VPS26C: variants seen among roughly 807,000 people sequenced by gnomAD.
VPS26C encodes the protein vacuolar protein sorting-associated protein 26C.
Under a neutral mutation model 30.6 loss-of-function variants are expected in VPS26C, and 19 were observed. The ratio of observed to expected loss-of-function variants is 0.62; its 90% confidence interval spans 0.43 to 0.91. VPS26C has a LOEUF of 0.91. VPS26C is among the 40% of genes least tolerant of loss of function. The pLI, the probability that VPS26C is intolerant of heterozygous loss-of-function variation, is 0.00. For synonymous variants in VPS26C, 132 were observed against 151.5 expected (o/e 0.87, Z 0.95); for missense variants, 318 against 385.1 (o/e 0.83, Z 1.46).
Position 37,238,686 on chromosome 21 carries a change from GAC to G in VPS26C, c.202-79_202-78del. The G allele has an allele frequency of 1.9e-6, 3 of 1,551,948 alleles. No homozygotes were observed. In the Admixed American group the frequency reaches 5.3e-5, roughly 28 times the overall value. On this transcript the variant is annotated intron_variant, in intron 2 of 7. Transcript: ENST00000309117. ...TCCAATTACTAATAACGTTCTGAAG[GAC>G]ACAGCACCCCGACCCCCTGGAGGCC...
At chr21:37,252,285 G>C (rs1352288039) in intron 1 of VPS26C, among the ~76,000 whole-genome samples, 3 of 152,166 alleles carry the variant, frequency 2.0e-5, no homozygotes, top group Non-Finnish European at 4.4e-5. Flanking sequence ...TTAGAAAGCG[G>C]AAATCAGAAA....
chr21:37,239,432 G>A (rs541929529), intron 2 of VPS26C, among the ~76,000 whole-genome samples: 2 of 152,252 alleles, frequency 1.3e-5, no homozygotes, highest in South Asian at 4.1e-4. Context: ...TTTACATTCT[G>A]GAACACAAAA....
In VPS26C at chr21:37,236,804, T is replaced by TA. The variant is rs374061678; in HGVS notation, c.351+1655dup. On this transcript the variant is annotated intron_variant, in intron 3 of 7. Transcript: ENST00000309117. ...TACTCTGAGGTTAACCCTCAAATGGTAAAATCTGATGATGAAAAGACGAGG... is the reference window on the plus strand; with the variant it reads ...TACTCTGAGGTTAACCCTCAAATGGTAAAAATCTGATGATGAAAAGACGAGG... 7.7e-4 allele frequency among the ~76,000 whole-genome samples: 118 copies of TA among 152,280 alleles called. 1 individual carries two copies. Among genetic ancestry groups the TA allele is most frequent in the Non-Finnish European group, 1.4e-3 (93 of 68,020 alleles).
rs916232206 is a variant in VPS26C at position 37,257,594 on chromosome 21, T to C, written c.57+9644A>G. 1.3e-5 allele frequency among the ~76,000 whole-genome samples: 2 copies of C among 151,270 alleles called. No individual in the cohort carries two copies. Among genetic ancestry groups the C allele is most frequent in the African/African-American group, 4.9e-5 (2 of 41,072 alleles). ...AAAAAGGAACGCGTGAAATGGGGAG[T>C]GTTAGGGCGTCACAAACTCCAGTGT... On this transcript the variant is annotated intron_variant, in intron 1 of 7. Coordinates refer to ENST00000309117, the MANE Select transcript of VPS26C (RefSeq NM_006052.2). This position sits in a 1 kb window ranked among gnomAD's most constrained non-coding sequence, Gnocchi z 4.2.
At chr21:37,241,230 C>T (rs1186629183) in intron 1 of VPS26C, among the ~76,000 whole-genome samples, 2 of 152,196 alleles carry the variant, frequency 1.3e-5, no homozygotes, top group East Asian at 1.9e-4. Flanking sequence ...TCCAGAAGGA[C>T]TGCCCTGTCC....
At position 37,238,543 on chromosome 21, in the gene VPS26C, C is replaced by T; in HGVS notation, c.268G>A (p.Glu90Lys). ...TGCAGAGGAAATTCAAAAGGGATTT[C>T]TGTTTTGCCGCTGGGAAATTTCCCC... ...KPGKFPSGKT[E>K]IPFEFPLHLK... The change falls in exon 3 of 8, where the codon GAA (glutamate) becomes AAA (lysine). Residue 90 changes from glutamate (E) to lysine (K), a missense_variant. Transcript: ENST00000309117. 3.7e-6 allele frequency: 6 copies of T among 1,614,200 alleles called. No homozygotes were observed. Among genetic ancestry groups the T allele is most frequent in the Non-Finnish European group, 5.1e-6 (6 of 1,180,036 alleles).
chr21:37,245,104 G>A (rs1383121943), intron 1 of VPS26C, among the ~76,000 whole-genome samples: 2 of 152,234 alleles, frequency 1.3e-5, no homozygotes, highest in Non-Finnish European at 2.9e-5. Context: ...CTCCTGCAAG[G>A]AGAGGTTAAA....
At position 37,238,552 on chromosome 21, in the gene VPS26C, C is replaced by T. The variant is rs747618434; in HGVS notation, c.259G>A (p.Gly87Ser). 42 of 1,614,008 alleles carry T rather than the reference C, an allele frequency of 2.6e-5. No individual in the cohort carries two copies. The highest frequency in any genetic ancestry group is 4.5e-5 in the East Asian group (2 of 44,888). The change falls in exon 3 of 8, where the codon GGC becomes AGC. Residue 87 changes from glycine to serine, a missense_variant. Transcript: ENST00000309117. Reference sequence around the variant, plus strand: ...AATTCAAAAGGGATTTCTGTTTTGCCGCTGGGAAATTTCCCCGGCTTCACC... The same window carrying T: ...AATTCAAAAGGGATTTCTGTTTTGCTGCTGGGAAATTTCCCCGGCTTCACC... ...EMVKPGKFPS[G>S]KTEIPFEFPL...
chr21:37,265,766 G>C (rs969368724), intron 1 of VPS26C, among the ~76,000 whole-genome samples: 3 of 152,106 alleles, frequency 2.0e-5, no homozygotes, highest in Non-Finnish European at 4.4e-5. Flanking sequence ...ACATAGGTGA[G>C]TTGTGGCCTT....
chr21:37,253,430 A>G (rs1465550029), intron 1 of VPS26C, among the ~76,000 whole-genome samples: 5 of 152,238 alleles, frequency 3.3e-5, no homozygotes, highest in Non-Finnish European at 5.9e-5. Flanking sequence ...CGTCAATACT[A>G]AGTAAAATGG....
At chr21:37,228,420 A>C in intron 5 of VPS26C, 47 bp from the exon 6 acceptor site, 1 of 1,602,496 alleles carries the variant, frequency 6.2e-7, no homozygotes, top group Non-Finnish European at 8.5e-7. Flanking sequence ...GCAAGGGGGG[A>C]AAGTGCTCCA....
chr21:37,246,522 G>A (rs906827548), intron 1 of VPS26C, among the ~76,000 whole-genome samples: 1 of 152,108 alleles, frequency 6.6e-6, no homozygotes, highest in Admixed American at 6.5e-5. Context: ...CCAAGAGATG[G>A]CTAGAAAAAC....
intron 1 of VPS26C, among the ~76,000 whole-genome samples, chr21:37,252,339 T>C (rs1163269122): frequency 2.0e-5 from 3 of 152,212 alleles, no homozygotes; most frequent in Admixed American, 2.0e-4. Flanking sequence ...ATCTCCACTA[T>C]TTTATGTAAC....
Position 37,243,058 on chromosome 21 carries a change from C to T in VPS26C, c.58-2419G>A, listed in dbSNP as rs781377288. Among the ~76,000 whole-genome samples the T allele has an allele frequency of 5.9e-5, 9 of 152,070 alleles. No homozygotes were observed. The South Asian group carries it at 6.2e-4, about 10-fold the overall frequency. ...GGCCAAGGGATTTAGAAACAGGAGA[C>T]GGTTTAACAGAGAGGCAAGATCTGT... On this transcript the variant is annotated intron_variant, in intron 1 of 7. Coordinates refer to ENST00000309117, the MANE Select transcript of VPS26C (RefSeq NM_006052.2).
At chr21:37,225,718 G>A (rs2085892311) in intron 7 of VPS26C, 92 bp from the exon 8 acceptor site, 2 of 1,080,644 alleles carry the variant, frequency 1.9e-6, no homozygotes, top group Non-Finnish European at 2.8e-6. Flanking sequence ...AAGCTCTAAC[G>A]GCGAAGGAGC....
At chr21:37,234,030 C>G (rs562468412) in intron 3 of VPS26C, among the ~76,000 whole-genome samples, 2 of 152,332 alleles carry the variant, frequency 1.3e-5, no homozygotes, top group Admixed American at 1.3e-4. Context: ...GGGACAGCAC[C>G]CAGCATGTCA....
In VPS26C at chr21:37,233,374, G is replaced by A. The variant is rs2085986736; in HGVS notation, c.420C>T (p.Ile140=). ...GAGTGAAGCTTACAGCGGAGTGAAC[G>A]ATAAATTCACAGGTCTTTGTCAAGT... ...AKDLTKTCEF[I]VHSAPQKGKF... Residue 140 remains isoleucine, a synonymous_variant, in exon 4 of 8, where the codon ATC becomes ATT. Coordinates refer to ENST00000309117, the MANE Select transcript of VPS26C (RefSeq NM_006052.2). The surrounding 1 kb of genome is among the most constrained non-coding windows in gnomAD (Gnocchi z 5.2). 1.9e-6 allele frequency: 3 copies of A among 1,613,958 alleles called. No individual in the cohort carries two copies. Among genetic ancestry groups the A allele is most frequent in the Non-Finnish European group, 2.5e-6 (3 of 1,179,842 alleles).
At chr21:37,255,677 C>CA (rs2086234554) in intron 1 of VPS26C, among the ~76,000 whole-genome samples, 1 of 152,116 alleles carries the variant, frequency 6.6e-6, no homozygotes, top group Non-Finnish European at 1.5e-5. Flanking sequence ...CTCCAGAGCC[C>CA]ACCAGCTTTT....
At chr21:37,242,388 G>A (rs954540236) in intron 1 of VPS26C, among the ~76,000 whole-genome samples, 10 of 152,138 alleles carry the variant, frequency 6.6e-5, no homozygotes, top group Admixed American at 2.0e-4. Context: ...CTTGAGCCCA[G>A]GAGTTCGAGA....
Sources: allele counts gnomAD v4.1 joint callset (sites outside exome capture counted in the v4.1 genomes callset), GRCh38; gene constraint gnomAD v4.1.1; non-coding constraint Gnocchi (gnomAD v3.1); transcripts MANE v1.5; gene names NCBI Gene and HGNC (gene_info 2026-07-23, HGNC 2026-07-21).